GLI3: variants seen among roughly 807,000 people sequenced by gnomAD.
GLI3 encodes GLI family zinc finger 3.
Under a neutral mutation model 100.8 loss-of-function variants are expected in GLI3, and 20 were observed. That is an observed-to-expected ratio of 0.20 (90% CI 0.14 to 0.29). GLI3 has a LOEUF of 0.29. Ranked by LOEUF, GLI3 falls within the 10% of genes least tolerant of loss-of-function variation. The probability of loss-of-function intolerance (pLI) is 1.00; values close to 1 mark genes in which losing one functional copy is unlikely to be tolerated. For synonymous variants in GLI3, 938 were observed against 860.5 expected (o/e 1.09, Z -1.58); for missense variants, 2,040 against 2,128.5 (o/e 0.96, Z 0.82).
chr7:42,203,527 G>A (rs952981452), intron 2 of GLI3, among the ~76,000 whole-genome samples: 1 of 152,068 alleles, frequency 6.6e-6, no homozygotes, highest in African/African-American at 2.4e-5. Flanking sequence ...ATGTCCTCCA[G>A]TTGCATCCAT....
intron 10 of GLI3, among the ~76,000 whole-genome samples, chr7:42,022,187 C>T (rs1788962217): frequency 6.6e-6 from 1 of 152,112 alleles, no homozygotes; most frequent in Non-Finnish European, 1.5e-5. Flanking sequence ...GGGAGGGACC[C>T]TGGCGATGTC....
chr7:42,061,597 C>A (rs2128747251), intron 4 of GLI3, among the ~76,000 whole-genome samples: 1 of 152,278 alleles, frequency 6.6e-6, no homozygotes, highest in Non-Finnish European at 1.5e-5. Flanking sequence ...TTTGAAGTGG[C>A]AGGCTCTTTA....
At chr7:42,255,764 G>T (rs549169293) in intron 1 of GLI3, among the ~76,000 whole-genome samples, 1 of 152,196 alleles carries the variant, frequency 6.6e-6, no homozygotes, top group Admixed American at 6.5e-5. Flanking sequence ...ATAATGCTTC[G>T]ATGGACAGTC....
At chr7:42,161,473 T>A (rs1386803541) in intron 2 of GLI3, among the ~76,000 whole-genome samples, 2 of 152,194 alleles carry the variant, frequency 1.3e-5, no homozygotes, top group Admixed American at 6.5e-5. Context: ...TCTCAGGATA[T>A]GACAACAACA....
At chr7:42,241,873 C>T (rs1359250827), upstream of GLI3, among the ~76,000 whole-genome samples, 1 of 152,178 alleles carries the variant, frequency 6.6e-6, no homozygotes, top group Non-Finnish European at 1.5e-5. Flanking sequence ...TCTGGAAACT[C>T]GCTCACAGCG....
At chr7:42,190,234 G>GA (rs1787800475) in intron 2 of GLI3, among the ~76,000 whole-genome samples, 1 of 151,788 alleles carries the variant, frequency 6.6e-6, no homozygotes, top group Non-Finnish European at 1.5e-5. Context: ...TTATGATCTG[G>GA]AAAAAATGAA....
At chr7:42,253,586 G>C (rs1312102537) in intron 1 of GLI3, among the ~76,000 whole-genome samples, 1 of 152,202 alleles carries the variant, frequency 6.6e-6, no homozygotes, top group Non-Finnish European at 1.5e-5. Flanking sequence ...TCTTAAGCAT[G>C]AAGTCTCTGG....
chr7:42,119,442 A>C (rs1785942219), intron 3 of GLI3, among the ~76,000 whole-genome samples: 1 of 152,160 alleles, frequency 6.6e-6, no homozygotes, highest in African/African-American at 2.4e-5. Context: ...TTCAGGCCAG[A>C]ATGACGTGAC....
chr7:42,138,783 A>C (rs540785253), intron 3 of GLI3, among the ~76,000 whole-genome samples: 1 of 152,318 alleles, frequency 6.6e-6, no homozygotes, highest in Non-Finnish European at 1.5e-5. Context: ...TACTCCACTC[A>C]CAAGACAGGA....
intron 10 of GLI3, among the ~76,000 whole-genome samples, chr7:42,003,250 C>T (rs772854337): frequency 1.3e-5 from 2 of 152,018 alleles, no homozygotes; most frequent in South Asian, 4.1e-4. Context: ...ATGTTATAAT[C>T]TCGAAGTGCA....
chr7:42,192,375 T>G (rs1272702630), intron 2 of GLI3, among the ~76,000 whole-genome samples: 3 of 152,138 alleles, frequency 2.0e-5, no homozygotes, highest in Non-Finnish European at 2.9e-5. Context: ...CCTAACAGAG[T>G]TCTGCCTACA....
chr7:42,261,901 T>TTTCCCTCCCTTCC (rs71006468), intron 1 of GLI3, among the ~76,000 whole-genome samples: 104,201 of 136,132 alleles, frequency 0.77, 40,052 homozygotes, highest in Admixed American at 0.81. Context: ...CTTCCCTTCC[T>TTTCCCTCCCTTCC]TTCCCTCCCT....
intron 4 of GLI3, among the ~76,000 whole-genome samples, chr7:42,055,876 C>A (rs1379136376): frequency 2.0e-5 from 3 of 152,146 alleles, no homozygotes; most frequent in Non-Finnish European, 2.9e-5. Context: ...CATTTGATAT[C>A]ATTTGGCTGT....
intron 10 of GLI3, among the ~76,000 whole-genome samples, chr7:42,017,131 C>T (rs765170391): frequency 6.6e-6 from 1 of 152,198 alleles, no homozygotes; most frequent in Non-Finnish European, 1.5e-5. Flanking sequence ...CAGGAGAATA[C>T]ATTATGCCAG....
intron 3 of GLI3, among the ~76,000 whole-genome samples, chr7:42,136,169 C>G (rs989226663): frequency 2.0e-5 from 3 of 152,164 alleles, no homozygotes; most frequent in African/African-American, 7.2e-5. Flanking sequence ...TGAGATTTCA[C>G]ATAATGAATT....
At chr7:42,084,328 CT>C (rs1053835380) in intron 3 of GLI3, among the ~76,000 whole-genome samples, 3 of 152,216 alleles carry the variant, frequency 2.0e-5, no homozygotes, top group African/African-American at 7.2e-5. Flanking sequence ...AAACCTCTGC[CT>C]TTACTGCTTC....
At chr7:42,139,496 A>G (rs1344321762) in intron 3 of GLI3, among the ~76,000 whole-genome samples, 1 of 152,200 alleles carries the variant, frequency 6.6e-6, no homozygotes, top group African/African-American at 2.4e-5. Context: ...CCTGGACAAC[A>G]TGGTGAAACT....
intron 2 of GLI3, chr7:42,172,625 G>A: frequency 1.4e-6 from 1 of 703,032 alleles, no homozygotes; most frequent in Admixed American, 2.0e-5. Context: ...AGCAGGGATG[G>A]ACAGCGCGGA....
intron 4 of GLI3, among the ~76,000 whole-genome samples, chr7:42,069,150 A>G (rs1278927744): frequency 6.6e-6 from 1 of 152,190 alleles, no homozygotes; most frequent in Non-Finnish European, 1.5e-5. Context: ...GCGCAGCACA[A>G]AGAACACAGG....
Sources: allele counts gnomAD v4.1 joint callset (sites outside exome capture counted in the v4.1 genomes callset), GRCh38; gene constraint gnomAD v4.1.1; transcripts MANE v1.5; gene names NCBI Gene and HGNC (gene_info 2026-07-23, HGNC 2026-07-21).